Variants in PSMC2 observed in about 807,000 individuals in gnomAD.
PSMC2 encodes the protein proteasome 26S subunit, ATPase 2.
Under a neutral mutation model 53.3 loss-of-function variants are expected in PSMC2, and 7 were observed. The observed-to-expected ratio is 0.13, with a 90% confidence interval of 0.07 to 0.25. The LOEUF (loss-of-function observed/expected upper bound fraction) is 0.25. Ranked by LOEUF, PSMC2 falls within the 10% of genes least tolerant of loss-of-function variation. The pLI is 1.00. For synonymous variants in PSMC2, 169 were observed against 183.9 expected (o/e 0.92, Z 0.66); for missense variants, 241 against 544.0 (o/e 0.44, Z 5.54).
chr7:103,347,717 G>A lies in PSMC2; in HGVS notation c.6G>A (p.Pro2=), dbSNP rs1463637238. The A allele has an allele frequency of 2.5e-6, 4 of 1,613,768 alleles. No individual in the cohort carries two copies. Among genetic ancestry groups the A allele is most frequent in the African/African-American group, 1.3e-5 (1 of 74,896 alleles). M[P]DYLGADQRKT... ...AGGCTTTTGGAGCTGCTAAAATGCC[G>A]GATTACCTCGGTGCCGATCAGCGGA... Residue 2 remains proline (P), a synonymous_variant, in exon 1 of 12, where the codon CCG becomes CCA. Coordinates refer to ENST00000292644, the MANE Select transcript of PSMC2 (RefSeq NM_002803.4).
chr7:103,347,552 A>C, upstream of PSMC2: 1 of 724,258 alleles, frequency 1.4e-6, no homozygotes, highest in South Asian at 1.7e-5. Flanking sequence ...AGCGTGCCAA[A>C]GCGTTTCCCC....
intron 1 of PSMC2, among the ~76,000 whole-genome samples, chr7:103,350,350 G>A (rs147338637): frequency 5.9e-5 from 9 of 152,204 alleles, no homozygotes; most frequent in African/African-American, 2.2e-4. Flanking sequence ...TATCTGTAAT[G>A]TAGAAATAAT....
chr7:103,363,280 T>C lies in PSMC2; in HGVS notation c.496-64T>C, dbSNP rs886657834. ...CTTTTAAGGTATTAGGTCTATTCTATTGAATTTGGACAGTATCCAAAAAGC... is the reference window on the plus strand; with the variant it reads ...CTTTTAAGGTATTAGGTCTATTCTACTGAATTTGGACAGTATCCAAAAAGC... On this transcript the variant is annotated intron_variant, in intron 6 of 11. Transcript: ENST00000292644. 1.2e-4 allele frequency: 164 copies of C among 1,324,874 alleles called. 1 individual carries two copies. Among genetic ancestry groups the C allele is most frequent in the Middle Eastern group, 1.8e-4 (1 of 5,458 alleles). The allele number at this position is 1,324,874 out of a possible 1,614,324, so 82.1% of individuals were successfully genotyped here. A position where few individuals can be genotyped will look rare whatever the true frequency, so the allele number is the denominator to read the frequency against.
intron 1 of PSMC2, 40 bp downstream of exon 1, chr7:103,347,821 C>T: frequency 6.2e-7 from 1 of 1,610,128 alleles, no homozygotes; most frequent in Non-Finnish European, 8.5e-7. Flanking sequence ...TGGGGCGGGA[C>T]TGGAGCGGAG....
In PSMC2 at chr7:103,368,241, G is replaced by T. The variant is rs1475712691; in HGVS notation, c.*187G>T. 3.2e-6 allele frequency: 2 copies of T among 623,020 alleles called. No homozygotes were observed. The highest frequency in any genetic ancestry group is 5.1e-6 in the Non-Finnish European group (2 of 391,268). The allele number at this position is 623,020 out of a possible 1,614,324, so 38.6% of individuals were successfully genotyped here. A position where few individuals can be genotyped will look rare whatever the true frequency, so the allele number is the denominator to read the frequency against. On this transcript the variant is annotated 3_prime_UTR_variant, in exon 12 of 12. Coordinates refer to ENST00000292644, the MANE Select transcript of PSMC2 (RefSeq NM_002803.4). ...AGAAAAGCTTGTTAGAATATATTTT[G>T]ACTATTTTTTTGACCCACACCCGTT...
intron 4 of PSMC2, among the ~76,000 whole-genome samples, chr7:103,358,565 T>A (rs1820175670): frequency 6.6e-6 from 1 of 152,098 alleles, no homozygotes; most frequent in African/African-American, 2.4e-5. Context: ...TTTCTGTTGA[T>A]GTTTTTTTCC....
Position 103,347,730 on chromosome 7 carries a change from G to T in PSMC2, c.19G>T (p.Ala7Ser), listed in dbSNP as rs554292187. 5.5e-5 allele frequency: 89 copies of T among 1,613,852 alleles called. No individual in the cohort carries two copies. The highest frequency in any genetic ancestry group is 4.5e-5 in the Non-Finnish European group (53 of 1,179,880). ...TGCTAAAATGCCGGATTACCTCGGT[G>T]CCGATCAGCGGAAGACCAAAGAGGA... Reference protein sequence around the residue: MPDYLGADQRKTKEDEK... With the variant: MPDYLGSDQRKTKEDEK... Residue 7 changes from alanine to serine, a missense_variant, in exon 1 of 12, where the codon GCC (alanine) becomes TCC (serine). By Grantham distance (99) the Ala-to-Ser change is moderately conservative. Transcript: ENST00000292644.
At chr7:103,358,207 T>TA (rs1820154583) in intron 4 of PSMC2, among the ~76,000 whole-genome samples, 2 of 152,208 alleles carry the variant, frequency 1.3e-5, no homozygotes, top group Admixed American at 6.5e-5. Context: ...CTCCCAGTGT[T>TA]ACTCTGAAGC....
chr7:103,365,992 T>A, intron 8 of PSMC2, 84 bp from the exon 9 acceptor site: 1 of 1,068,618 alleles, frequency 9.4e-7, no homozygotes, highest in South Asian at 1.4e-5. Flanking sequence ...GGAATAAATA[T>A]TGAAAAGTTT....
chr7:103,360,487 G>A (rs1476475439), intron 4 of PSMC2, among the ~76,000 whole-genome samples: 1 of 152,022 alleles, frequency 6.6e-6, no homozygotes, highest in African/African-American at 2.4e-5. Context: ...TTGACCTCCT[G>A]GGCTCAAGTG....
chr7:103,360,493 A>T (rs1025624419), intron 4 of PSMC2, among the ~76,000 whole-genome samples: 6 of 152,158 alleles, frequency 3.9e-5, no homozygotes, highest in Non-Finnish European at 7.3e-5. Flanking sequence ...TCCTGGGCTC[A>T]AGTGATCCTC....
chr7:103,348,514 T>G (rs1586129610), intron 1 of PSMC2: 1 of 660,768 alleles, frequency 1.5e-6, no homozygotes, highest in East Asian at 2.9e-5. Context: ...GTAATGTATT[T>G]ATTATTGATG....
Position 103,348,013 on chromosome 7 carries a change from C to T in PSMC2, c.70+232C>T, listed in dbSNP as rs546151637. On this transcript the variant is annotated intron_variant, in intron 1 of 11. Coordinates refer to ENST00000292644, the MANE Select transcript of PSMC2 (RefSeq NM_002803.4). Reference sequence around the variant, plus strand: ...GAAATTTTTATTCATTCTCAGCTCTCGGGTCTTGAAGAAGTCACGCACCCT... The same window carrying T: ...GAAATTTTTATTCATTCTCAGCTCTTGGGTCTTGAAGAAGTCACGCACCCT... 5.3e-5 allele frequency among the ~76,000 whole-genome samples: 8 copies of T among 152,264 alleles called. No individual in the cohort carries two copies. In the South Asian group the frequency reaches 1.4e-3, roughly 28 times the overall value.
At chr7:103,359,068 C>T (rs10233462) in intron 4 of PSMC2, among the ~76,000 whole-genome samples, 1 of 142,344 alleles carries the variant, frequency 7.0e-6, no homozygotes. Flanking sequence ...GCTGCAGCCT[C>T]TGCTTCCTGG....
At position 103,347,666 on chromosome 7, in the gene PSMC2, G is replaced by A. The variant is rs760031714; in HGVS notation, c.-46G>A. On this transcript the variant is annotated 5_prime_UTR_variant, in exon 1 of 12. Transcript: ENST00000292644. ...GGAAGACACCACCGGAAGCAAGGAA[G>A]GTGCTGTGTAATCATTAAGGAGCGG... is the stretch of plus-strand genomic sequence containing the variant. The A allele has an allele frequency of 2.9e-5, 46 of 1,608,264 alleles. No homozygotes were observed. Among genetic ancestry groups the A allele is most frequent in the Non-Finnish European group, 3.7e-5 (44 of 1,174,998 alleles).
At chr7:103,366,294 C>T in intron 9 of PSMC2, 131 bp downstream of exon 9, 1 of 744,678 alleles carries the variant, frequency 1.3e-6, no homozygotes, top group African/African-American at 1.7e-5. Flanking sequence ...AACAGTGGCG[C>T]CACAGATCTA....
chr7:103,353,037 C>T (rs1394776798), intron 1 of PSMC2: 1 of 767,854 alleles, frequency 1.3e-6, no homozygotes, highest in Non-Finnish European at 2.4e-6. Flanking sequence ...TTGGGGATTA[C>T]AAATAAATTT....
intron 4 of PSMC2, among the ~76,000 whole-genome samples, chr7:103,358,398 C>A (rs1397712876): frequency 1.3e-5 from 2 of 152,126 alleles, no homozygotes; most frequent in African/African-American, 4.8e-5. Flanking sequence ...TTGTTAATTT[C>A]TTTCCTTCCG....
chr7:103,351,527 T>G (rs1337778603), intron 1 of PSMC2, among the ~76,000 whole-genome samples: 1 of 152,176 alleles, frequency 6.6e-6, no homozygotes, highest in African/African-American at 2.4e-5. Flanking sequence ...AATTCTAGAC[T>G]CCCTGAAGGA....
Sources: allele counts gnomAD v4.1 joint callset (sites outside exome capture counted in the v4.1 genomes callset), GRCh38; gene constraint gnomAD v4.1.1; transcripts MANE v1.5; gene names NCBI Gene and HGNC (gene_info 2026-07-23, HGNC 2026-07-21).